The following CCDC91 variants were observed in gnomAD, a reference collection of about 807,000 sequenced individuals.
CCDC91 encodes the protein coiled-coil domain containing 91.
A neutral mutation model predicts 63.2 loss-of-function variants in CCDC91; 48 were observed. That is an observed-to-expected ratio of 0.76 (90% confidence interval 0.60 to 0.97). CCDC91 has a LOEUF of 0.97. Among genes scored for constraint, CCDC91 ranks in the 50% least tolerant of loss-of-function variants. CCDC91 has a pLI of 0.00. For missense variants in CCDC91, 500 were observed against 494.6 expected (o/e 1.01, Z -0.10); for synonymous variants, 167 against 165.8 (o/e 1.01, Z -0.06).
At chr12:28,533,268 C>A (rs1032005338) in intron 12 of CCDC91, among the ~76,000 whole-genome samples, 2 of 151,984 alleles carry the variant, frequency 1.3e-5, no homozygotes, top group African/African-American at 4.8e-5. Context: ...AATCTCTTTT[C>A]CATTTTTTGA....
intron 12 of CCDC91, among the ~76,000 whole-genome samples, chr12:28,547,076 C>G (rs572483619): frequency 1.3e-5 from 2 of 152,170 alleles, no homozygotes; most frequent in Admixed American, 1.3e-4. Context: ...TGTGGACCCT[C>G]TCAAACTTAA....
chr12:28,357,573 G>C (rs1454775240), intron 6 of CCDC91, among the ~76,000 whole-genome samples: 1 of 152,082 alleles, frequency 6.6e-6, no homozygotes, highest in Non-Finnish European at 1.5e-5. Context: ...GAGGGAATGA[G>C]AATACATTCT....
intron 8 of CCDC91, among the ~76,000 whole-genome samples, chr12:28,429,067 C>A (rs939170687): frequency 5.9e-5 from 9 of 152,114 alleles, no homozygotes; most frequent in African/African-American, 2.2e-4. Flanking sequence ...GGTTTTGGGT[C>A]TAACTAGTGG....
intron 12 of CCDC91, among the ~76,000 whole-genome samples, chr12:28,492,148 G>A (rs1375989145): frequency 6.6e-6 from 1 of 151,610 alleles, no homozygotes; most frequent in African/African-American, 2.4e-5. Context: ...TATTTACACA[G>A]CATGCATCTG....
At chr12:28,313,191 A>T (rs1162235121) in intron 6 of CCDC91, among the ~76,000 whole-genome samples, 1 of 152,026 alleles carries the variant, frequency 6.6e-6, no homozygotes, top group African/African-American at 2.4e-5. Context: ...TGACAGGAAC[A>T]ATATACTGGT....
intron 8 of CCDC91, among the ~76,000 whole-genome samples, chr12:28,439,733 C>CTTTTTTTT (rs71438747): frequency 7.5e-6 from 1 of 133,036 alleles, no homozygotes; most frequent in Non-Finnish European, 1.6e-5. Flanking sequence ...TTTCTTTTTT[C>CTTTTTTTT]TTTTTTTTTT....
intron 11 of CCDC91, 74 bp from the exon 12 acceptor site, chr12:28,483,978 T>A (rs1849161): frequency 0.021 from 16,566 of 775,312 alleles, 282 homozygotes; most frequent in South Asian, 0.038. Context: ...AGAGGATGTT[T>A]AGTTTATATG....
At chr12:28,190,680 G>A (rs1163504773) in intron 1 of CCDC91, 39 bp downstream of exon 1, 1 of 152,350 alleles carries the variant, frequency 6.6e-6, no homozygotes, top group Admixed American at 6.5e-5. Flanking sequence ...GGGTCTTGGG[G>A]TCGGGGCCGC....
chr12:28,417,808 C>T (rs972114093), intron 8 of CCDC91, among the ~76,000 whole-genome samples: 10 of 151,976 alleles, frequency 6.6e-5, no homozygotes, highest in South Asian at 2.1e-4. Flanking sequence ...GTCCCAATGC[C>T]GTACATTAAG....
At chr12:28,245,906 A>G (rs889990690) in intron 1 of CCDC91, among the ~76,000 whole-genome samples, 1 of 152,268 alleles carries the variant, frequency 6.6e-6, no homozygotes, top group African/African-American at 2.4e-5. Flanking sequence ...TATTTTACTC[A>G]TAGGCATATA....
chr12:28,448,287 C>T (rs1366104635), intron 8 of CCDC91, among the ~76,000 whole-genome samples: 2 of 152,116 alleles, frequency 1.3e-5, no homozygotes, highest in African/African-American at 2.4e-5. Flanking sequence ...ATATAAAGCA[C>T]TTTCAACAGT....
At chr12:28,398,890 A>G (rs1231280396) in intron 8 of CCDC91, among the ~76,000 whole-genome samples, 2 of 152,172 alleles carry the variant, frequency 1.3e-5, no homozygotes, top group Non-Finnish European at 2.9e-5. Context: ...TCCAGATACA[A>G]ATCCTTTGAC....
At chr12:28,299,434 C>T (rs1435421763) in intron 3 of CCDC91, among the ~76,000 whole-genome samples, 1 of 151,560 alleles carries the variant, frequency 6.6e-6, no homozygotes, top group African/African-American at 2.4e-5. Context: ...TTACCCCTCC[C>T]TCTCTCATAC....
In CCDC91 at chr12:28,520,685, T is replaced by C. The variant is rs1940532381; in HGVS notation, c.1216-28378T>C. On this transcript the variant is annotated intron_variant, in intron 12 of 12. Transcript: ENST00000536442. ...GAATGCTATTGTCTAGATTTTCTTCTAGGGTTTTTATGGTTTTAGGTCTAA... is the reference window on the plus strand; with the variant it reads ...GAATGCTATTGTCTAGATTTTCTTCCAGGGTTTTTATGGTTTTAGGTCTAA... Among the ~76,000 whole-genome samples, 4 of 152,232 alleles carry C rather than the reference T, an allele frequency of 2.6e-5. No individual in the cohort carries two copies. The South Asian group carries it at 6.2e-4, about 24-fold the overall frequency.
intron 1 of CCDC91, among the ~76,000 whole-genome samples, chr12:28,195,356 T>C (rs1941679603): frequency 2.0e-5 from 3 of 152,274 alleles, no homozygotes; most frequent in Admixed American, 2.0e-4. Flanking sequence ...CAGACTCTGA[T>C]TGGTGCATTT....
At position 28,191,732 on chromosome 12, in the gene CCDC91, G is replaced by A. The variant is rs140859954; in HGVS notation, c.-15+1091G>A. On this transcript the variant is annotated intron_variant, in intron 1 of 12. Coordinates refer to ENST00000536442, the MANE Select transcript of CCDC91 (RefSeq NM_018318.5). ...AGAGTTCTACACTTAATGATCACCT[G>A]ATTGCCCTCTGCTACAATTTCTATT... Among the ~76,000 whole-genome samples the A allele has an allele frequency of 6.4e-4, 98 of 152,264 alleles. No homozygotes were observed. The Middle Eastern group carries it at 0.01, about 16-fold the overall frequency.
At chr12:28,495,554 C>T (rs751003380) in intron 12 of CCDC91, among the ~76,000 whole-genome samples, 10 of 151,638 alleles carry the variant, frequency 6.6e-5, no homozygotes, top group Non-Finnish European at 7.4e-5. Context: ...TTGGAAGCCA[C>T]GTAGCCCACC....
intron 12 of CCDC91, among the ~76,000 whole-genome samples, chr12:28,527,301 T>G (rs1479789054): frequency 6.6e-6 from 1 of 152,210 alleles, no homozygotes; most frequent in African/African-American, 2.4e-5. Context: ...GATACTCCCT[T>G]GATGTAATAC....
chr12:28,240,806 AT>A (rs1352560892), intron 1 of CCDC91, among the ~76,000 whole-genome samples: 1 of 152,166 alleles, frequency 6.6e-6, no homozygotes, highest in Non-Finnish European at 1.5e-5. Flanking sequence ...GTTTTTGGCT[AT>A]TACAAACAAA....
Sources: allele counts gnomAD v4.1 joint callset (sites outside exome capture counted in the v4.1 genomes callset), GRCh38; gene constraint gnomAD v4.1.1; transcripts MANE v1.5; gene names NCBI Gene and HGNC (gene_info 2026-07-23, HGNC 2026-07-21).